DCC: variants seen among roughly 807,000 people sequenced by gnomAD.
DCC encodes DCC netrin 1 receptor, also known as netrin receptor DCC.
A neutral mutation model predicts 172.5 loss-of-function variants in DCC; 58 were observed. The ratio of observed to expected loss-of-function variants is 0.34; its 90% CI spans 0.27 to 0.42. DCC has a LOEUF of 0.42. Among genes scored for constraint, DCC ranks in the 10% least tolerant of loss-of-function variants. The pLI, the probability that DCC is intolerant of heterozygous loss-of-function variation, is 1.00. For synonymous variants in DCC, 709 were observed against 644.5 expected, an observed-to-expected ratio of 1.10 and a Z score of -1.52; for missense variants, 1,740 against 1,791.0, an observed-to-expected ratio of 0.97 and a Z score of 0.51.
intron 1 of DCC, among the ~76,000 whole-genome samples, chr18:52,380,596 T>A (rs1426213674): frequency 6.6e-6 from 1 of 152,134 alleles, no homozygotes; most frequent in Non-Finnish European, 1.5e-5. Context: ...ATTTCGAGAT[T>A]TAACCATGAG....
chr18:53,479,709 A>T (rs977991600), intron 25 of DCC, among the ~76,000 whole-genome samples: 1 of 152,200 alleles, frequency 6.6e-6, no homozygotes, highest in Non-Finnish European at 1.5e-5. Context: ...ATTTTAGATG[A>T]TGGAGTATAA....
intron 2 of DCC, among the ~76,000 whole-genome samples, chr18:52,817,331 C>T (rs1008161005): frequency 2.7e-4 from 41 of 152,052 alleles, no homozygotes; most frequent in Admixed American, 1.2e-3. Flanking sequence ...TGCTTTTCTT[C>T]CTTTGCCTCA....
At chr18:52,964,735 T>A (rs1327386453) in intron 5 of DCC, among the ~76,000 whole-genome samples, 1 of 152,132 alleles carries the variant, frequency 6.6e-6, no homozygotes, top group African/African-American at 2.4e-5. Flanking sequence ...ACCACAAATG[T>A]AGTGGCTGAA....
intron 7 of DCC, among the ~76,000 whole-genome samples, chr18:53,117,984 AG>A (rs1283881747): frequency 4.6e-5 from 7 of 151,758 alleles, no homozygotes; most frequent in African/African-American, 1.5e-4. Flanking sequence ...TTTGGTCTTC[AG>A]GTCATCTTTA....
intron 5 of DCC, among the ~76,000 whole-genome samples, chr18:53,011,412 ATACTT>A (rs1325487866): frequency 6.6e-5 from 10 of 151,720 alleles, no homozygotes; most frequent in Admixed American, 2.0e-4. Flanking sequence ...TTTAAATTCA[ATACTT>A]TATTTTATTT....
chr18:52,518,511 T>C (rs1009244434), intron 1 of DCC, among the ~76,000 whole-genome samples: 1 of 152,208 alleles, frequency 6.6e-6, no homozygotes, highest in African/African-American at 2.4e-5. Context: ...GATTCTCCAA[T>C]TTACAGGAAG....
At position 52,487,354 on chromosome 18, in the gene DCC, G is replaced by A. The variant is rs560425260; in HGVS notation, c.91+146476G>A. Among the ~76,000 whole-genome samples the A allele has an allele frequency of 3.9e-5, 6 of 152,212 alleles. No homozygotes were observed. In the South Asian group the frequency reaches 1.2e-3, roughly 32 times the overall value. ...GCTGTTAAACTGAACTCTGGTCTTT[G>A]TTCTATCATTGAGATACTCAGTACC... On this transcript the variant is annotated intron_variant, in intron 1 of 28. Coordinates refer to ENST00000442544, the MANE Select transcript of DCC (RefSeq NM_005215.4).
At chr18:53,230,082 G>A (rs2056099694) in intron 12 of DCC, among the ~76,000 whole-genome samples, 1 of 152,032 alleles carries the variant, frequency 6.6e-6, no homozygotes, top group Non-Finnish European at 1.5e-5. Context: ...TTATTGTTTA[G>A]CTCAGAAAAT....
chr18:52,964,611 C>T (rs140491223), intron 5 of DCC, among the ~76,000 whole-genome samples: 2,053 of 152,188 alleles, frequency 0.013, 61 homozygotes, highest in African/African-American at 0.047. Flanking sequence ...CTTTCTGTCA[C>T]AGGATCTGAA....
intron 1 of DCC, among the ~76,000 whole-genome samples, chr18:52,551,610 C>A (rs2032772020): frequency 6.6e-6 from 1 of 151,848 alleles, no homozygotes; most frequent in African/African-American, 2.4e-5. Flanking sequence ...AGTAACACTG[C>A]TCATTTTTAC....
intron 15 of DCC, among the ~76,000 whole-genome samples, chr18:53,367,521 C>T (rs1028116653): frequency 6.6e-5 from 10 of 152,258 alleles, no homozygotes; most frequent in South Asian, 2.1e-4. Context: ...GTATAATTCA[C>T]ATGACATAAA....
At chr18:53,051,496 A>G (rs935776019) in intron 5 of DCC, among the ~76,000 whole-genome samples, 5 of 152,092 alleles carry the variant, frequency 3.3e-5, no homozygotes, top group African/African-American at 9.7e-5. Context: ...TTATTTTACT[A>G]CAATGCCTAA....
At chr18:53,104,614 CA>C (rs535214638) in intron 7 of DCC, among the ~76,000 whole-genome samples, 259 of 151,490 alleles carry the variant, frequency 1.7e-3, no homozygotes, top group African/African-American at 6.0e-3. Flanking sequence ...TCTGGTAATT[CA>C]AAAAAAATGC....
chr18:53,042,362 A>G (rs951524020), intron 5 of DCC, among the ~76,000 whole-genome samples: 5 of 151,988 alleles, frequency 3.3e-5, no homozygotes, highest in Non-Finnish European at 5.9e-5. Flanking sequence ...ATTCAACTTG[A>G]TCATGGTGGA....
At chr18:52,596,781 A>T (rs1039477723) in intron 1 of DCC, among the ~76,000 whole-genome samples, 1 of 152,230 alleles carries the variant, frequency 6.6e-6, no homozygotes, top group Non-Finnish European at 1.5e-5. Flanking sequence ...AAAATCCTGT[A>T]AATTTCAACA....
chr18:52,678,451 T>A (rs1174267484), intron 1 of DCC, among the ~76,000 whole-genome samples: 1 of 152,178 alleles, frequency 6.6e-6, no homozygotes, highest in Non-Finnish European at 1.5e-5. Flanking sequence ...TTACTTTCTT[T>A]GTTGTTGCCT....
intron 1 of DCC, among the ~76,000 whole-genome samples, chr18:52,457,071 C>T (rs1431148113): frequency 1.3e-5 from 2 of 151,980 alleles, no homozygotes; most frequent in African/African-American, 4.8e-5. Flanking sequence ...CTTTTCATTT[C>T]TGGTTCTCTT....
intron 27 of DCC, among the ~76,000 whole-genome samples, chr18:53,514,145 TCTCA>T (rs1424866398): frequency 6.6e-6 from 1 of 152,016 alleles, no homozygotes; most frequent in Non-Finnish European, 1.5e-5. Flanking sequence ...GGATTAAGAA[TCTCA>T]CTCAAAACCG....
At chr18:52,555,843 T>G (rs2032901036) in intron 1 of DCC, among the ~76,000 whole-genome samples, 1 of 152,164 alleles carries the variant, frequency 6.6e-6, no homozygotes, top group Non-Finnish European at 1.5e-5. Context: ...ATTTCTGGTA[T>G]TTTTAGAAAT....
Sources: gnomAD v4.1 joint callset for allele counts (sites outside exome capture counted in the v4.1 genomes callset) on GRCh38, gnomAD v4.1.1 for gene constraint, MANE v1.5 for transcripts, NCBI Gene and HGNC (gene_info 2026-07-23, HGNC 2026-07-21) for gene names.